Variants in NYAP2 observed in about 807,000 individuals in gnomAD.
The protein encoded by NYAP2 is neuronal tyrosine-phosphorylated phosphoinositide-3-kinase adaptor 2, also known as neuronal tyrosine-phosphorylated phosphoinositide-3-kinase adapter 2.
Under a neutral mutation model 50.4 loss-of-function variants are expected in NYAP2, and 23 were observed. The observed-to-expected ratio is 0.46, with a 90% CI of 0.33 to 0.65. The LOEUF (loss-of-function observed/expected upper bound fraction) is 0.65, where lower values mean the gene tolerates loss of function less well. Among genes scored for constraint, NYAP2 ranks in the 30% least tolerant of loss-of-function variants. NYAP2 has a pLI of 0.02. For missense variants in NYAP2, 885 were observed against 861.0 expected, an observed-to-expected ratio of 1.03 and a Z score of -0.35; for synonymous variants, 394 against 365.2, an observed-to-expected ratio of 1.08 and a Z score of -0.90.
At chr2:225,660,662 C>T in the NYAP2 span, among the ~76,000 whole-genome samples, 1 of 152,020 alleles carries the variant, frequency 6.6e-6, no homozygotes, top group Admixed American at 6.6e-5. Context: ...GCGTCTGTAG[C>T]GCACTTTGGA....
downstream of NYAP2, among the ~76,000 whole-genome samples, chr2:225,657,812 G>T (rs1425983722): frequency 6.6e-6 from 1 of 152,102 alleles, no homozygotes; most frequent in Non-Finnish European, 1.5e-5. Flanking sequence ...ATTGTCAAGT[G>T]TTTCCTACTT....
intron 3 of NYAP2, among the ~76,000 whole-genome samples, chr2:225,475,155 A>T (rs1281411562): frequency 6.6e-6 from 1 of 152,244 alleles, no homozygotes; most frequent in East Asian, 1.9e-4. Context: ...AATGAAGCAA[A>T]CAAATGTATT....
chr2:225,422,595 T>TA (rs113465395), intron 3 of NYAP2, among the ~76,000 whole-genome samples: 57 of 150,896 alleles, frequency 3.8e-4, no homozygotes, highest in African/African-American at 1.3e-3. Flanking sequence ...GATCTATTAT[T>TA]AAAAAAAAAG....
Position 225,569,441 on chromosome 2 carries a change from G to T in NYAP2, c.524-12500G>T, listed in dbSNP as rs1431076. The stretch of plus-strand genomic sequence containing the variant: ...GGATTGAGAGAAAGGAGGAGTGAGG[G>T]GGGGAGGTGAGAGAGACCTCGAGAC... On this transcript the variant is annotated intron_variant, in intron 4 of 6. Transcript: ENST00000636099. 4.3e-4 allele frequency among the ~76,000 whole-genome samples: 66 copies of T among 151,896 alleles called. No individual in the cohort carries two copies. In the South Asian group the frequency reaches 0.011, roughly 25 times the overall value.
chr2:225,691,196 G>T, the NYAP2 span, among the ~76,000 whole-genome samples: 1 of 151,100 alleles, frequency 6.6e-6, no homozygotes, highest in Non-Finnish European at 1.5e-5. Context: ...AGGAGTGAGC[G>T]CTTTTTTTTT....
At chr2:225,496,347 G>A (rs1327647457) in intron 3 of NYAP2, among the ~76,000 whole-genome samples, 2 of 152,150 alleles carry the variant, frequency 1.3e-5, no homozygotes, top group Non-Finnish European at 2.9e-5. Flanking sequence ...TTTCAAGAAA[G>A]TGTGTGGCCA....
At chr2:225,437,190 G>C (rs990800207) in intron 3 of NYAP2, among the ~76,000 whole-genome samples, 1 of 151,954 alleles carries the variant, frequency 6.6e-6, no homozygotes, top group East Asian at 1.9e-4. Flanking sequence ...AGAGGTAGTG[G>C]GCTGGACTGG....
At chr2:225,645,895 C>T (rs56319027) in intron 6 of NYAP2, among the ~76,000 whole-genome samples, 86,669 of 151,746 alleles carry the variant, frequency 0.57, 24,908 homozygotes, top group Admixed American at 0.68. Context: ...CATTTAGATG[C>T]ACAGATCCTA....
At chr2:225,452,989 G>A (rs573400541) in intron 3 of NYAP2, among the ~76,000 whole-genome samples, 93 of 152,070 alleles carry the variant, frequency 6.1e-4, no homozygotes, top group Non-Finnish European at 9.1e-4. Context: ...GGATACCTTC[G>A]CATCCAGTCA....
intron 3 of NYAP2, among the ~76,000 whole-genome samples, chr2:225,498,663 A>G (rs1038711682): frequency 6.6e-6 from 1 of 152,156 alleles, no homozygotes; most frequent in African/African-American, 2.4e-5. Context: ...GCTGGGACCA[A>G]AAGTTCATAA....
At chr2:225,592,795 TC>T (rs1692531320) in intron 5 of NYAP2, among the ~76,000 whole-genome samples, 1 of 152,190 alleles carries the variant, frequency 6.6e-6, no homozygotes. Context: ...GATGTGTTTA[TC>T]CCCCGTGTTT....
At chr2:225,457,034 C>A (rs998909862) in intron 3 of NYAP2, among the ~76,000 whole-genome samples, 1 of 152,212 alleles carries the variant, frequency 6.6e-6, no homozygotes, top group African/African-American at 2.4e-5. Context: ...GGAGCTGGAA[C>A]TTAAAATGGC....
intron 3 of NYAP2, among the ~76,000 whole-genome samples, chr2:225,463,697 A>C (rs1689871138): frequency 6.6e-6 from 1 of 152,250 alleles, no homozygotes. Context: ...TCCACATCTC[A>C]TCCTTTCCTT....
At position 225,430,997 on chromosome 2, in the gene NYAP2, A is replaced by T. The variant is rs200262653; in HGVS notation, c.221+21896A>T. Among the ~76,000 whole-genome samples the T allele has an allele frequency of 5.3e-5, 8 of 152,354 alleles. No homozygotes were observed. In the East Asian group the frequency reaches 1.3e-3, roughly 26 times the overall value. On this transcript the variant is annotated intron_variant, in intron 3 of 6. Coordinates refer to ENST00000636099, the Ensembl canonical transcript of NYAP2. ...AATGTACATTCAGAGAGAAGGAAAG[A>T]TGTAAAAATTTAGTGGCCAAAAAAG...
the NYAP2 span, among the ~76,000 whole-genome samples, chr2:225,688,489 T>C: frequency 6.6e-6 from 1 of 152,206 alleles, no homozygotes; most frequent in Non-Finnish European, 1.5e-5. Context: ...GGAGTCCCTG[T>C]CTTTAAAGAG....
intron 4 of NYAP2, among the ~76,000 whole-genome samples, chr2:225,535,865 C>A (rs1444011148): frequency 6.6e-6 from 1 of 152,088 alleles, no homozygotes; most frequent in African/African-American, 2.4e-5. Flanking sequence ...TCCTTCCTTA[C>A]TGGGAAAGAT....
At chr2:225,677,582 C>G in the NYAP2 span, among the ~76,000 whole-genome samples, 1 of 151,994 alleles carries the variant, frequency 6.6e-6, no homozygotes, top group Non-Finnish European at 1.5e-5. Flanking sequence ...GAAGTATGTT[C>G]CTGCAATGCT....
intron 4 of NYAP2, among the ~76,000 whole-genome samples, chr2:225,517,096 ATAATT>A (rs1261600848): frequency 1.3e-5 from 2 of 152,212 alleles, no homozygotes; most frequent in Non-Finnish European, 2.9e-5. Flanking sequence ...CCAAAAAAGT[ATAATT>A]TAGTGTTTAA....
At chr2:225,565,952 T>C (rs1691953081) in intron 4 of NYAP2, among the ~76,000 whole-genome samples, 1 of 152,114 alleles carries the variant, frequency 6.6e-6, no homozygotes, top group Admixed American at 6.6e-5. Flanking sequence ...CACCATCATA[T>C]ATAGAGGCAA....
Sources: gnomAD v4.1 joint callset for allele counts (sites outside exome capture counted in the v4.1 genomes callset) on GRCh38, gnomAD v4.1.1 for gene constraint, MANE v1.5 for transcripts, NCBI Gene and HGNC (gene_info 2026-07-23, HGNC 2026-07-21) for gene names.